Variants in ENTREP2 observed in about 807,000 individuals in gnomAD.
The protein encoded by ENTREP2 is protein ENTREP2.
At chr15:29,531,681 T>C in the ENTREP2 span, among the ~76,000 whole-genome samples, 1 of 152,262 alleles carries the variant, frequency 6.6e-6, no homozygotes, top group Non-Finnish European at 1.5e-5. Context: ...CAAAATTGTT[T>C]CTGAGGCAGG....
At chr15:29,234,432 C>T in the ENTREP2 span, 2 of 1,514,976 alleles carry the variant, frequency 1.3e-6, no homozygotes. Context: ...CCAGTAGTCC[C>T]TCGACCTGCA....
chr15:29,248,495 T>C, the ENTREP2 span, among the ~76,000 whole-genome samples: 4 of 152,114 alleles, frequency 2.6e-5, no homozygotes, highest in Non-Finnish European at 2.9e-5. Context: ...AAATCATTGA[T>C]AAATATTTAA....
chr15:29,159,509 T>A, the ENTREP2 span, among the ~76,000 whole-genome samples: 2 of 152,220 alleles, frequency 1.3e-5, no homozygotes, highest in South Asian at 4.1e-4. Context: ...CACATCCTGC[T>A]GATTGGTCCA....
chr15:29,550,301 T>G, the ENTREP2 span, among the ~76,000 whole-genome samples: 1 of 152,092 alleles, frequency 6.6e-6, no homozygotes, highest in Non-Finnish European at 1.5e-5. Flanking sequence ...GGAAAGCAAG[T>G]GCATATTAAA....
the ENTREP2 span, among the ~76,000 whole-genome samples, chr15:29,244,711 C>G: frequency 1.6e-4 from 25 of 152,300 alleles, no homozygotes; most frequent in Middle Eastern, 0.01. Flanking sequence ...GAGTCTCCCC[C>G]ACGCAGGCAG....
the ENTREP2 span, among the ~76,000 whole-genome samples, chr15:29,307,107 T>C: frequency 6.6e-6 from 1 of 152,160 alleles, no homozygotes; most frequent in African/African-American, 2.4e-5. Context: ...TTTATAGTGG[T>C]ACTTCTCTCT....
the ENTREP2 span, among the ~76,000 whole-genome samples, chr15:29,526,342 T>C: frequency 6.6e-6 from 1 of 152,160 alleles, no homozygotes; most frequent in Non-Finnish European, 1.5e-5. Context: ...ATGGTGTCCC[T>C]CTTGGACAGC....
chr15:29,601,591 T>G, the ENTREP2 span, among the ~76,000 whole-genome samples: 1 of 152,314 alleles, frequency 6.6e-6, no homozygotes, highest in African/African-American at 2.4e-5. Flanking sequence ...AACATTCACA[T>G]GATCAGCTAT....
At chr15:29,287,987 G>T in the ENTREP2 span, among the ~76,000 whole-genome samples, 7 of 152,248 alleles carry the variant, frequency 4.6e-5, no homozygotes, top group African/African-American at 1.7e-4. Flanking sequence ...GCACTGCACA[G>T]CTGTGGGGAA....
At chr15:29,564,214 C>T in the ENTREP2 span, among the ~76,000 whole-genome samples, 1 of 152,110 alleles carries the variant, frequency 6.6e-6, no homozygotes, top group African/African-American at 2.4e-5. Context: ...ACTTGTTTCC[C>T]AGCATCAAGT....
chr15:29,627,178 G>T, the ENTREP2 span, among the ~76,000 whole-genome samples: 915 of 152,142 alleles, frequency 6.0e-3, 9 homozygotes, highest in African/African-American at 0.021. Flanking sequence ...TGCAGCTATG[G>T]GCACTTTTAT....
the ENTREP2 span, among the ~76,000 whole-genome samples, chr15:29,525,191 T>A: frequency 5.3e-5 from 8 of 152,202 alleles, no homozygotes. Flanking sequence ...GAAAACAATT[T>A]GGCAGTTCCT....
At chr15:29,503,461 CA>C in the ENTREP2 span, among the ~76,000 whole-genome samples, 2 of 152,056 alleles carry the variant, frequency 1.3e-5, no homozygotes, top group Non-Finnish European at 2.9e-5. Context: ...TGACTGCTAA[CA>C]GTTATGAGAT....
At chr15:29,335,153 G>A in the ENTREP2 span, among the ~76,000 whole-genome samples, 8 of 152,168 alleles carry the variant, frequency 5.3e-5, no homozygotes, top group Non-Finnish European at 8.8e-5. Flanking sequence ...CATGAAAAGT[G>A]GTTGCTTAGT....
At chr15:29,461,411 AT>A in the ENTREP2 span, among the ~76,000 whole-genome samples, 1 of 152,174 alleles carries the variant, frequency 6.6e-6, no homozygotes. Context: ...GTAATTTTTC[AT>A]TTGATGGTGT....
chr15:29,196,513 A>T, the ENTREP2 span: 1 of 1,551,708 alleles, frequency 6.4e-7, no homozygotes, highest in East Asian at 2.4e-5. Context: ...CAGCCGGACG[A>T]CTGGTGCTGC....
chr15:29,666,496 T>G, the ENTREP2 span, among the ~76,000 whole-genome samples: 2 of 151,792 alleles, frequency 1.3e-5, no homozygotes, highest in East Asian at 3.9e-4. Flanking sequence ...TTGTCTTCTC[T>G]CCCAAATTCT....
At chr15:29,209,094 G>C in the ENTREP2 span, among the ~76,000 whole-genome samples, 1 of 152,324 alleles carries the variant, frequency 6.6e-6, no homozygotes, top group East Asian at 1.9e-4. Context: ...TCTGATCTAA[G>C]TGTTGGTTCC....
At chr15:29,543,883 A>G in the ENTREP2 span, among the ~76,000 whole-genome samples, 1 of 151,992 alleles carries the variant, frequency 6.6e-6, no homozygotes, top group African/African-American at 2.4e-5. Context: ...TATTACCAAA[A>G]TGATGTCAAA....
Sources: gnomAD v4.1 joint callset for allele counts (sites outside exome capture counted in the v4.1 genomes callset) on GRCh38, gnomAD v4.1.1 for gene constraint, MANE v1.5 for transcripts, NCBI Gene and HGNC (gene_info 2026-07-23, HGNC 2026-07-21) for gene names.